SPAG16: variants seen among roughly 807,000 people sequenced by gnomAD.
The protein encoded by SPAG16 is sperm-associated antigen 16 protein.
SPAG16 carries 86 observed loss-of-function variants against 80.4 expected under a neutral mutation model. That is an observed-to-expected ratio of 1.07 (90% CI 0.90 to 1.28). The LOEUF is 1.28. SPAG16 is among the 50% of genes most tolerant of loss of function. SPAG16 has a pLI of 0.00. For missense variants in SPAG16, 870 were observed against 765.3 expected (o/e 1.14, Z -1.61); for synonymous variants, 294 against 265.9 (o/e 1.11, Z -1.03).
chr2:213,665,968 T>C (rs558811602), intron 10 of SPAG16, among the ~76,000 whole-genome samples: 3 of 152,240 alleles, frequency 2.0e-5, no homozygotes, highest in East Asian at 3.9e-4. Flanking sequence ...TTATTTACAA[T>C]GTGAGAGTTG....
intron 8 of SPAG16, among the ~76,000 whole-genome samples, chr2:213,374,350 G>A (rs1487896033): frequency 3.9e-5 from 6 of 151,942 alleles, no homozygotes; most frequent in African/African-American, 1.2e-4. Context: ...GTTTATTTGT[G>A]TTAGTGATTA....
At chr2:213,521,009 AGAT>A (rs1405898008) in intron 10 of SPAG16, among the ~76,000 whole-genome samples, 7 of 152,098 alleles carry the variant, frequency 4.6e-5, no homozygotes, top group Non-Finnish European at 8.8e-5. Context: ...GCCATCTGCC[AGAT>A]GCTTTGATTG....
chr2:214,081,099 T>C (rs1041441425), intron 13 of SPAG16, among the ~76,000 whole-genome samples: 2 of 150,700 alleles, frequency 1.3e-5, no homozygotes, highest in Admixed American at 6.6e-5. Flanking sequence ...AAAAATATAA[T>C]ATTAGAATTT....
intron 10 of SPAG16, among the ~76,000 whole-genome samples, chr2:213,665,836 A>G (rs1055792203): frequency 1.2e-4 from 19 of 152,142 alleles, no homozygotes; most frequent in Admixed American, 1.1e-3. Flanking sequence ...GCTTAGGAAC[A>G]CTAGCTAGAC....
At chr2:214,004,996 A>C (rs992692863) in intron 12 of SPAG16, among the ~76,000 whole-genome samples, 1 of 152,234 alleles carries the variant, frequency 6.6e-6, no homozygotes, top group African/African-American at 2.4e-5. Context: ...TGCTTAGAAC[A>C]CTAAGCACTC....
At chr2:213,731,897 A>G (rs944886560) in intron 10 of SPAG16, among the ~76,000 whole-genome samples, 21 of 152,214 alleles carry the variant, frequency 1.4e-4, no homozygotes, top group Admixed American at 6.5e-4. Flanking sequence ...TTATTTTGCT[A>G]TGCAGGAGCT....
intron 13 of SPAG16, among the ~76,000 whole-genome samples, chr2:214,048,855 C>T (rs959853010): frequency 6.6e-6 from 1 of 151,976 alleles, no homozygotes; most frequent in Non-Finnish European, 1.5e-5. Context: ...AAAAAAGAAA[C>T]AAAAAAATCT....
In SPAG16 at chr2:213,648,440, C is replaced by T. The variant is rs529922373; in HGVS notation, c.1070+158350C>T. Among the ~76,000 whole-genome samples, 3 of 152,324 alleles carry T rather than the reference C, an allele frequency of 2.0e-5. No homozygotes were observed. The South Asian group carries it at 6.2e-4, about 32-fold the overall frequency. On this transcript the variant is annotated intron_variant, in intron 10 of 15. Coordinates refer to ENST00000331683, the MANE Select transcript of SPAG16 (RefSeq NM_024532.5). ...CACACTTAGTGCCAACCAATTAACA[C>T]CTTGATTAAGCTATAGACCACCTGC...
Position 213,997,896 on chromosome 2 carries a change from T to C in SPAG16, c.1401-16055T>C, listed in dbSNP as rs372750978. On this transcript the variant is annotated intron_variant, in intron 12 of 15. Transcript: ENST00000331683. ...ACAGTGGAAAAATGGAACCCTTACA[T>C]TGATACCATCAAGAATGGTAAGCAA... Among the ~76,000 whole-genome samples, 6 of 152,180 alleles carry C rather than the reference T, an allele frequency of 3.9e-5. No homozygotes were observed. In the East Asian group the frequency reaches 7.7e-4, roughly 20 times the overall value.
intron 15 of SPAG16, among the ~76,000 whole-genome samples, chr2:214,176,260 AG>A (rs2057075454): frequency 6.6e-6 from 1 of 151,294 alleles, no homozygotes; most frequent in South Asian, 2.1e-4. Context: ...GATACTGTAA[AG>A]GAAAGAAACT....
At chr2:213,705,891 C>T (rs1391469434) in intron 10 of SPAG16, among the ~76,000 whole-genome samples, 2 of 151,846 alleles carry the variant, frequency 1.3e-5, no homozygotes, top group African/African-American at 4.8e-5. Flanking sequence ...TATGCAAATC[C>T]CATATGGGAT....
At chr2:214,197,832 G>A (rs2057889360) in intron 15 of SPAG16, among the ~76,000 whole-genome samples, 1 of 151,602 alleles carries the variant, frequency 6.6e-6, no homozygotes, top group Non-Finnish European at 1.5e-5. Flanking sequence ...TATTAATAAA[G>A]TGAATATTAA....
At chr2:213,812,678 A>G (rs377515988) in intron 10 of SPAG16, among the ~76,000 whole-genome samples, 6 of 152,278 alleles carry the variant, frequency 3.9e-5, no homozygotes, top group East Asian at 1.9e-4. Context: ...TTGGTATCCA[A>G]ATAATTTTAA....
chr2:213,996,866 C>T (rs924456050), intron 12 of SPAG16, among the ~76,000 whole-genome samples: 3 of 152,144 alleles, frequency 2.0e-5, no homozygotes, highest in Non-Finnish European at 4.4e-5. Flanking sequence ...CCGCACCCGG[C>T]CCTACTAATG....
intron 15 of SPAG16, among the ~76,000 whole-genome samples, chr2:214,171,035 G>A (rs1345654249): frequency 6.6e-6 from 1 of 152,032 alleles, no homozygotes; most frequent in Non-Finnish European, 1.5e-5. Flanking sequence ...GCTGAAGGGT[G>A]TCTAGGCTCA....
At chr2:213,604,783 T>C (rs1414700600) in intron 10 of SPAG16, among the ~76,000 whole-genome samples, 1 of 151,912 alleles carries the variant, frequency 6.6e-6, no homozygotes, top group Non-Finnish European at 1.5e-5. Flanking sequence ...TTAACTCTTC[T>C]TCATTTGCTT....
chr2:213,425,692 A>G (rs924289356), intron 9 of SPAG16, among the ~76,000 whole-genome samples: 1 of 152,020 alleles, frequency 6.6e-6, no homozygotes, highest in African/African-American at 2.4e-5. Context: ...TGTTGCAGGA[A>G]AAGTCGTGTA....
intron 15 of SPAG16, among the ~76,000 whole-genome samples, chr2:214,233,222 G>A (rs141018004): frequency 1.6e-4 from 25 of 152,004 alleles, no homozygotes; most frequent in Non-Finnish European, 3.4e-4. Context: ...TATCTTCTGG[G>A]GTGTTGGCAA....
At chr2:214,172,419 A>G (rs1352690338) in intron 15 of SPAG16, among the ~76,000 whole-genome samples, 3 of 152,156 alleles carry the variant, frequency 2.0e-5, no homozygotes, top group African/African-American at 7.2e-5. Flanking sequence ...TACAAAGGAC[A>G]TGAACTCATC....
Sources: allele counts gnomAD v4.1 joint callset (sites outside exome capture counted in the v4.1 genomes callset), GRCh38; gene constraint gnomAD v4.1.1; transcripts MANE v1.5; gene names NCBI Gene and HGNC (gene_info 2026-07-23, HGNC 2026-07-21).